Variants in MAK observed in about 807,000 individuals in gnomAD.
The protein encoded by MAK is male germ cell associated kinase.
MAK carries 65 observed loss-of-function variants against 82.6 expected under a neutral mutation model. The observed-to-expected ratio is 0.79, with a 90% CI of 0.64 to 0.97. The LOEUF (loss-of-function observed/expected upper bound fraction) is 0.97, where lower values mean the gene tolerates loss of function less well. Ranked by LOEUF, MAK falls within the 50% of genes least tolerant of loss-of-function variation. The pLI, the probability that MAK is intolerant of heterozygous loss-of-function variation, is 0.00. For synonymous variants in MAK, 250 were observed against 274.2 expected (o/e 0.91, Z 0.87); for missense variants, 703 against 780.2 (o/e 0.90, Z 1.18).
intron 14 of MAK, among the ~76,000 whole-genome samples, chr6:10,765,607 G>A (rs997891047): frequency 2.6e-5 from 4 of 151,838 alleles, no homozygotes; most frequent in Non-Finnish European, 2.9e-5. Flanking sequence ...TTACAGGGGC[G>A]CACCACCACG....
At chr6:10,764,815 G>A (rs910608328) in intron 14 of MAK, among the ~76,000 whole-genome samples, 3 of 152,196 alleles carry the variant, frequency 2.0e-5, no homozygotes, top group African/African-American at 4.8e-5. Flanking sequence ...GTAGCTGGCC[G>A]GGCGCAGTGG....
chr6:10,791,589 T>C, intron 10 of MAK, 86 bp downstream of exon 10: 1 of 1,286,670 alleles, frequency 7.8e-7, no homozygotes, highest in South Asian at 1.3e-5. Context: ...TTTTCTTCTT[T>C]TAGGGTCTAC....
At chr6:10,826,902 G>A (rs1013422673) in intron 2 of MAK, among the ~76,000 whole-genome samples, 23 of 152,000 alleles carry the variant, frequency 1.5e-4, no homozygotes, top group African/African-American at 5.3e-4. Flanking sequence ...ACCTGAGGTC[G>A]GGAGTTCGAG....
chr6:10,835,764 T>G (rs576257452), intron 1 of MAK, among the ~76,000 whole-genome samples: 1 of 152,144 alleles, frequency 6.6e-6, no homozygotes, highest in Non-Finnish European at 1.5e-5. Flanking sequence ...ATGGTAATGA[T>G]GGTAGCGAGT....
chr6:10,808,274 A>G (rs1016665713), intron 6 of MAK, among the ~76,000 whole-genome samples: 2 of 152,138 alleles, frequency 1.3e-5, no homozygotes, highest in East Asian at 3.8e-4. Flanking sequence ...AACATTGTCT[A>G]AGATTCGTCC....
chr6:10,770,249 G>A lies in MAK; in HGVS notation c.1673-19C>T. The A allele has an allele frequency of 3.7e-6, 6 of 1,613,484 alleles. No individual in the cohort carries two copies. Among genetic ancestry groups the A allele is most frequent in the Non-Finnish European group, 5.1e-6 (6 of 1,179,884 alleles). ...AGATTTCCTAGTGACATATCATAAA[G>A]TTTCACAGTCAGAAGGTGAATATTT... is the stretch of plus-strand genomic sequence containing the variant. On this transcript the variant is annotated intron_variant, in intron 13 of 14. Coordinates refer to ENST00000354489, the MANE Select transcript of MAK (RefSeq NM_001242957.3).
At chr6:10,772,384 G>A (rs1026776902) in intron 13 of MAK, among the ~76,000 whole-genome samples, 4 of 148,498 alleles carry the variant, frequency 2.7e-5, no homozygotes, top group Non-Finnish European at 5.9e-5. Flanking sequence ...TTGCTCTGTT[G>A]CCAGGCTGGA....
At chr6:10,836,283 TA>T (rs1286009514) in intron 1 of MAK, among the ~76,000 whole-genome samples, 1 of 152,160 alleles carries the variant, frequency 6.6e-6, no homozygotes, top group East Asian at 1.9e-4. Context: ...AACCTTTAAG[TA>T]AAACAACTTT....
chr6:10,770,173 T>C lies in MAK; in HGVS notation c.1730A>G (p.Lys577Arg). ...NQSGYIPSFL[K>R]KEVQSAGQRI... ...CTGGCCAGCTGACTGCACTTCTTTT[T>C]TGAGAAAGGAAGGAATATATCCTGA... is the stretch of plus-strand genomic sequence containing the variant. Residue 577 changes from lysine to arginine, a missense_variant, in exon 14 of 15, where the codon AAA (lysine) becomes AGA (arginine). Coordinates refer to ENST00000354489, the MANE Select transcript of MAK (RefSeq NM_001242957.3). 5.6e-6 allele frequency: 9 copies of C among 1,614,170 alleles called. No individual in the cohort carries two copies. Among genetic ancestry groups the C allele is most frequent in the Non-Finnish European group, 7.6e-6 (9 of 1,180,016 alleles).
At chr6:10,835,244 T>G (rs565288494) in intron 1 of MAK, among the ~76,000 whole-genome samples, 1 of 152,196 alleles carries the variant, frequency 6.6e-6, no homozygotes, top group Non-Finnish European at 1.5e-5. Context: ...CCAAGAAGGT[T>G]TGCATCTTTC....
At chr6:10,831,921 G>T (rs1048298081) in intron 1 of MAK, among the ~76,000 whole-genome samples, 4 of 152,172 alleles carry the variant, frequency 2.6e-5, no homozygotes, top group African/African-American at 9.7e-5. Flanking sequence ...TATTAACACT[G>T]CTGAAAAGAC....
chr6:10,779,580 G>A, intron 11 of MAK: 1 of 600,454 alleles, frequency 1.7e-6, no homozygotes, highest in Non-Finnish European at 2.1e-6. Flanking sequence ...TGGCTTTAGG[G>A]TAAAGAGGGG....
intron 11 of MAK, among the ~76,000 whole-genome samples, chr6:10,778,290 C>T (rs1194118291): frequency 2.0e-5 from 3 of 152,128 alleles, no homozygotes; most frequent in Non-Finnish European, 4.4e-5. Context: ...TAAGTAAATA[C>T]ATAATGAGCA....
rs369612015 is a variant in MAK at position 10,803,865 on chromosome 6, C to G, written c.518G>C (p.Arg173Thr). 3 of 1,613,928 alleles carry G rather than the reference C, an allele frequency of 1.9e-6. No individual in the cohort carries two copies. Among genetic ancestry groups the G allele is most frequent in the Non-Finnish European group, 2.5e-6 (3 of 1,179,974 alleles). ...AATGGGAGAACTATAAACTGAAGAT[C>G]TCAGTAAAACTTCAGGGGCACGATA... ...RWYRAPEVLL[R>T]SSVYSSPIDV... Residue 173 changes from arginine (R) to threonine (T), a missense_variant, in exon 7 of 15, where the codon AGA becomes ACA. By Grantham distance (71) the Arg-to-Thr change is moderately conservative. Coordinates refer to ENST00000354489, the MANE Select transcript of MAK (RefSeq NM_001242957.3).
At chr6:10,830,209 A>C (rs886648166) in intron 2 of MAK, among the ~76,000 whole-genome samples, 3 of 150,494 alleles carry the variant, frequency 2.0e-5, no homozygotes, top group African/African-American at 7.3e-5. Flanking sequence ...TGTATCACCC[A>C]GGCTGGAGTG....
At chr6:10,785,388 T>A (rs1298513695) in intron 10 of MAK, among the ~76,000 whole-genome samples, 2 of 152,180 alleles carry the variant, frequency 1.3e-5, no homozygotes, top group Admixed American at 6.5e-5. Flanking sequence ...CCGACTGGGC[T>A]CCTTCTTTGC....
intron 2 of MAK, among the ~76,000 whole-genome samples, chr6:10,826,794 GA>G (rs1389410886): frequency 6.6e-6 from 1 of 152,210 alleles, no homozygotes; most frequent in Non-Finnish European, 1.5e-5. Context: ...TGGGATGTGA[GA>G]AAGCTTTTGC....
In MAK at chr6:10,803,843, G is replaced by A; in HGVS notation, c.540C>T (p.Pro180=). The change falls in exon 7 of 15, where the codon CCC becomes CCT. Residue 180 remains proline (P), a synonymous_variant. Coordinates refer to ENST00000354489, the MANE Select transcript of MAK (RefSeq NM_001242957.3). ...VLLRSSVYSS[P]IDVWAVGSIM... ...TACTTCCAACAGCCCACACATCAATGGGAGAACTATAAACTGAAGATCTCA... is the reference window on the plus strand; with the variant it reads ...TACTTCCAACAGCCCACACATCAATAGGAGAACTATAAACTGAAGATCTCA... The A allele has an allele frequency of 3.1e-6, 5 of 1,613,978 alleles. No individual in the cohort carries two copies. The highest frequency in any genetic ancestry group is 4.2e-6 in the Non-Finnish European group (5 of 1,179,944).
At chr6:10,771,285 A>C (rs1315157214) in intron 13 of MAK, among the ~76,000 whole-genome samples, 1 of 152,082 alleles carries the variant, frequency 6.6e-6, no homozygotes, top group East Asian at 1.9e-4. Context: ...ACAGGTAGAG[A>C]GGTGGATGGT....
Sources: allele counts gnomAD v4.1 joint callset (sites outside exome capture counted in the v4.1 genomes callset), GRCh38; gene constraint gnomAD v4.1.1; transcripts MANE v1.5; gene names NCBI Gene and HGNC (gene_info 2026-07-23, HGNC 2026-07-21).